ASPRV1: variants seen among roughly 807,000 people sequenced by gnomAD.
ASPRV1 encodes the protein retroviral-like aspartic protease 1.
Under a neutral mutation model 11.0 loss-of-function variants are expected in ASPRV1, and 7 were observed. That is an observed-to-expected ratio of 0.64 (90% CI 0.36 to 1.20). The LOEUF (loss-of-function observed/expected upper bound fraction) is 1.20, where lower values mean the gene tolerates loss of function less well. ASPRV1 is among the 50% of genes most tolerant of loss of function. The pLI, the probability that ASPRV1 is intolerant of heterozygous loss-of-function variation, is 0.02. For missense variants in ASPRV1, 299 were observed against 320.0 expected (o/e 0.93, Z 0.50); for synonymous variants, 136 against 138.4 (o/e 0.98, Z 0.12).
At chr2:69,985,294 T>C in the ASPRV1 span, among the ~76,000 whole-genome samples, 2 of 152,260 alleles carry the variant, frequency 1.3e-5, no homozygotes, top group Admixed American at 6.5e-5. Context: ...CAGGGACAGA[T>C]TGCTGAGTTA....
At chr2:69,950,012 C>T in the ASPRV1 span, among the ~76,000 whole-genome samples, 2 of 152,178 alleles carry the variant, frequency 1.3e-5, no homozygotes, top group Admixed American at 1.3e-4. Flanking sequence ...GATGGGGTTT[C>T]ACTATATTGG....
chr2:69,979,912 T>C, the ASPRV1 span, among the ~76,000 whole-genome samples: 2 of 152,304 alleles, frequency 1.3e-5, no homozygotes, highest in African/African-American at 4.8e-5. Flanking sequence ...CTTTACACAG[T>C]GACTTCACGA....
At chr2:70,043,971 G>T in the ASPRV1 span, among the ~76,000 whole-genome samples, 2 of 152,216 alleles carry the variant, frequency 1.3e-5, no homozygotes, top group Middle Eastern at 6.8e-3. Flanking sequence ...AGGAAACCAA[G>T]TATTTCTTTA....
the ASPRV1 span, among the ~76,000 whole-genome samples, chr2:70,000,334 A>ACC: frequency 0.015 from 2,155 of 139,218 alleles, 25 homozygotes; most frequent in African/African-American, 0.056. Context: ...AAAAAAAAAA[A>ACC]ACCACACACA....
the ASPRV1 span, among the ~76,000 whole-genome samples, chr2:70,002,608 T>C: frequency 4.0e-4 from 61 of 152,312 alleles, no homozygotes; most frequent in Middle Eastern, 3.4e-3. Flanking sequence ...GTTTAAAGCA[T>C]AGGTTATTGC....
chr2:70,074,270 T>C, the ASPRV1 span, among the ~76,000 whole-genome samples: 1 of 151,066 alleles, frequency 6.6e-6, no homozygotes, highest in Non-Finnish European at 1.5e-5. Context: ...TCAAAGAGAC[T>C]TCAGAGGCCA....
the ASPRV1 span, among the ~76,000 whole-genome samples, chr2:69,991,628 A>G: frequency 2.6e-5 from 4 of 151,818 alleles, no homozygotes; most frequent in Non-Finnish European, 4.4e-5. Context: ...GCTCACCACA[A>G]TCTTCGCCTC....
chr2:70,027,225 C>G, the ASPRV1 span, among the ~76,000 whole-genome samples: 1,684 of 137,940 alleles, frequency 0.012, 18 homozygotes, highest in South Asian at 0.033. Flanking sequence ...GGCCACTGCA[C>G]TCAGCCTGGG....
At chr2:70,070,830 C>T in the ASPRV1 span, 2 of 131,024 alleles carry the variant, frequency 1.5e-5, no homozygotes, top group South Asian at 2.6e-4. Flanking sequence ...AGGCAATTAA[C>T]ATTTAACTGT....
the ASPRV1 span, among the ~76,000 whole-genome samples, chr2:69,997,213 A>G: frequency 6.7e-6 from 1 of 149,212 alleles, no homozygotes; most frequent in Non-Finnish European, 1.5e-5. Context: ...AAATGGACGC[A>G]GGCCTTTGCA....
At chr2:70,022,942 G>A in the ASPRV1 span, among the ~76,000 whole-genome samples, 1 of 152,004 alleles carries the variant, frequency 6.6e-6, no homozygotes, top group South Asian at 2.1e-4. Flanking sequence ...ATCCATTTCT[G>A]CCTCCTGGTT....
At chr2:70,078,177 A>C in the ASPRV1 span, among the ~76,000 whole-genome samples, 1 of 152,206 alleles carries the variant, frequency 6.6e-6, no homozygotes, top group African/African-American at 2.4e-5. Flanking sequence ...ATAATTAAAT[A>C]AATTTATTCA....
the ASPRV1 span, among the ~76,000 whole-genome samples, chr2:69,949,179 C>A: frequency 6.6e-6 from 1 of 152,158 alleles, no homozygotes; most frequent in Non-Finnish European, 1.5e-5. Context: ...ACCCTGCAGG[C>A]CCCCTGCGGC....
At chr2:69,988,052 T>C in the ASPRV1 span, among the ~76,000 whole-genome samples, 4 of 152,244 alleles carry the variant, frequency 2.6e-5, no homozygotes, top group African/African-American at 4.8e-5. Flanking sequence ...TCTGTGTGCA[T>C]TGCCAGTGGG....
the ASPRV1 span, among the ~76,000 whole-genome samples, chr2:69,969,050 T>G: frequency 1.3e-5 from 2 of 152,212 alleles, no homozygotes; most frequent in East Asian, 1.9e-4. Context: ...ATCTCCTTGG[T>G]CAATGACCAC....
chr2:69,946,166 G>T, the ASPRV1 span, among the ~76,000 whole-genome samples: 1 of 152,182 alleles, frequency 6.6e-6, no homozygotes, highest in African/African-American at 2.4e-5. Context: ...TTGCCACGCT[G>T]ATACTGTCAT....
upstream of ASPRV1, chr2:69,963,626 T>C (rs1678217623): frequency 8.3e-6 from 3 of 363,534 alleles, no homozygotes; most frequent in Admixed American, 1.1e-4. Flanking sequence ...TAGTGGTAGA[T>C]GTTGAATTCC....
the ASPRV1 span, among the ~76,000 whole-genome samples, chr2:70,080,004 G>A: frequency 6.6e-6 from 1 of 152,186 alleles, no homozygotes; most frequent in Non-Finnish European, 1.5e-5. Context: ...AGTCTTGCTT[G>A]TGCTTAGTAA....
the ASPRV1 span, among the ~76,000 whole-genome samples, chr2:70,001,770 A>G: frequency 6.6e-6 from 1 of 152,196 alleles, no homozygotes; most frequent in Non-Finnish European, 1.5e-5. Flanking sequence ...CATAAAAAGA[A>G]TAATGATAAT....
Sources: allele counts gnomAD v4.1 joint callset (sites outside exome capture counted in the v4.1 genomes callset), GRCh38; gene constraint gnomAD v4.1.1; transcripts MANE v1.5; gene names NCBI Gene and HGNC (gene_info 2026-07-23, HGNC 2026-07-21).